Variants in HCN1 observed in about 807,000 individuals in gnomAD.
HCN1 encodes potassium/sodium hyperpolarization-activated cyclic nucleotide-gated channel 1.
A neutral mutation model predicts 78.9 loss-of-function variants in HCN1; 13 were observed. The ratio of observed to expected loss-of-function variants is 0.16; its 90% confidence interval spans 0.11 to 0.26. The LOEUF (loss-of-function observed/expected upper bound fraction) is 0.26. Ranked by LOEUF, HCN1 falls within the 10% of genes least tolerant of loss-of-function variation. The pLI, the probability that HCN1 is intolerant of heterozygous loss-of-function variation, is 1.00. For synonymous variants in HCN1, 552 were observed against 455.5 expected (o/e 1.21, Z -2.70); for missense variants, 810 against 1,154.3 (o/e 0.70, Z 4.32).
chr5:45,351,414 AT>A lies in HCN1; in HGVS notation c.1377+1685del, dbSNP rs1199158512. Among the ~76,000 whole-genome samples the A allele has an allele frequency of 4.3e-4, 50 of 115,586 alleles. 8 individuals carry two copies. Among genetic ancestry groups the A allele is most frequent in the Non-Finnish European group, 1.9e-4 (12 of 62,368 alleles). 75.8% of individuals were successfully genotyped at this position (115,586 alleles called of 152,430 possible). On this transcript the variant is annotated intron_variant, in intron 5 of 7. Transcript: ENST00000303230. ...AGATTTAAACGTTAGACCTAAAACC[AT>A]AAAAACCCTAGAAGAAAACCTAGAC... is the stretch of plus-strand genomic sequence containing the variant.
At chr5:45,334,982 A>C (rs1746424168) in intron 5 of HCN1, among the ~76,000 whole-genome samples, 1 of 152,038 alleles carries the variant, frequency 6.6e-6, no homozygotes. Context: ...GTTTTCTTGC[A>C]TAACTATCTA....
intron 3 of HCN1, among the ~76,000 whole-genome samples, chr5:45,458,199 T>A (rs1036141296): frequency 5.3e-5 from 8 of 151,888 alleles, no homozygotes; most frequent in Middle Eastern, 3.2e-3. Context: ...ATCTAGCTAG[T>A]GGGATACAGA....
At chr5:45,609,949 G>T (rs1258719097) in intron 2 of HCN1, among the ~76,000 whole-genome samples, 1 of 152,124 alleles carries the variant, frequency 6.6e-6, no homozygotes, top group Non-Finnish European at 1.5e-5. Context: ...CTTGGCATTA[G>T]ATGTCAGCAA....
At chr5:45,406,693 G>T (rs1739931615) in intron 3 of HCN1, among the ~76,000 whole-genome samples, 1 of 151,880 alleles carries the variant, frequency 6.6e-6, no homozygotes, top group South Asian at 2.1e-4. Flanking sequence ...GGATTTTCAG[G>T]CATTTTAAGA....
At chr5:45,455,289 C>T (rs1741007394) in intron 3 of HCN1, among the ~76,000 whole-genome samples, 1 of 152,042 alleles carries the variant, frequency 6.6e-6, no homozygotes, top group South Asian at 2.1e-4. Context: ...CATTTCAGAG[C>T]TCTCAATTCA....
At chr5:45,266,436 T>G (rs1310035760) in intron 7 of HCN1, among the ~76,000 whole-genome samples, 1 of 152,158 alleles carries the variant, frequency 6.6e-6, no homozygotes, top group Admixed American at 6.5e-5. Context: ...TGATAAAACT[T>G]AGTTTGTAAT....
At chr5:45,379,273 T>C (rs1177651533) in intron 4 of HCN1, among the ~76,000 whole-genome samples, 3 of 152,140 alleles carry the variant, frequency 2.0e-5, no homozygotes, top group Non-Finnish European at 2.9e-5. Flanking sequence ...CCACATCCTC[T>C]CTAGCACCTG....
chr5:45,640,106 C>T (rs1035815208), intron 2 of HCN1, among the ~76,000 whole-genome samples: 2 of 152,148 alleles, frequency 1.3e-5, no homozygotes, highest in Non-Finnish European at 2.9e-5. Context: ...GTTGCTCACT[C>T]CCTTATTTGT....
At chr5:45,272,327 T>C (rs1455679506) in intron 6 of HCN1, among the ~76,000 whole-genome samples, 1 of 152,110 alleles carries the variant, frequency 6.6e-6, no homozygotes, top group East Asian at 1.9e-4. Flanking sequence ...CTGTAGCTCA[T>C]ACTATCCTTT....
intron 3 of HCN1, among the ~76,000 whole-genome samples, chr5:45,423,595 C>A (rs1740272673): frequency 6.6e-6 from 1 of 152,080 alleles, no homozygotes. Flanking sequence ...CTTGAATATC[C>A]AGCTCGTATT....
At chr5:45,648,075 T>C (rs1745585379) in intron 1 of HCN1, among the ~76,000 whole-genome samples, 1 of 152,182 alleles carries the variant, frequency 6.6e-6, no homozygotes, top group South Asian at 2.1e-4. Context: ...AACGAGACGA[T>C]ATATGCTAAT....
chr5:45,499,827 C>T (rs1469095837), intron 2 of HCN1, among the ~76,000 whole-genome samples: 1 of 152,048 alleles, frequency 6.6e-6, no homozygotes, highest in East Asian at 1.9e-4. Context: ...TTGAAAAACC[C>T]AGGTATTTTA....
intron 1 of HCN1, among the ~76,000 whole-genome samples, chr5:45,695,438 G>C (rs1363341181): frequency 6.6e-6 from 1 of 152,174 alleles, no homozygotes; most frequent in Middle Eastern, 3.2e-3. Flanking sequence ...AGGCCAAGGA[G>C]GAGAGCCCGT....
chr5:45,495,876 T>A (rs1278684162), intron 2 of HCN1, among the ~76,000 whole-genome samples: 1 of 152,250 alleles, frequency 6.6e-6, no homozygotes, highest in African/African-American at 2.4e-5. Flanking sequence ...TTTTGGTCTT[T>A]GGTTCTGTTT....
At position 45,387,893 on chromosome 5, in the gene HCN1, T is replaced by A. The variant is rs116196805; in HGVS notation, c.1230+8599A>T. Among the ~76,000 whole-genome samples, 1,465 of 152,294 alleles carry A rather than the reference T, an allele frequency of 9.6e-3. 29 individuals are homozygous for A. The highest frequency in any genetic ancestry group is 0.034 in the African/African-American group (1,393 of 41,554). ...ACAGTAAGAGACGCACAATAACTAA[T>A]AATAAAATAGAACAATTATAACAAT... On this transcript the variant is annotated intron_variant, in intron 4 of 7. Transcript: ENST00000303230.
At chr5:45,357,180 T>C (rs1164116758) in intron 4 of HCN1, among the ~76,000 whole-genome samples, 1 of 152,088 alleles carries the variant, frequency 6.6e-6, no homozygotes, top group Non-Finnish European at 1.5e-5. Context: ...TTATTCATGT[T>C]GCTGGAAAAA....
chr5:45,349,065 T>C (rs958407667), intron 5 of HCN1, among the ~76,000 whole-genome samples: 32 of 152,154 alleles, frequency 2.1e-4, no homozygotes, highest in Admixed American at 3.9e-4. Flanking sequence ...ATCAATAGAA[T>C]ATACATTTTT....
chr5:45,394,451 C>A (rs2112038263), intron 4 of HCN1, among the ~76,000 whole-genome samples: 1 of 152,172 alleles, frequency 6.6e-6, no homozygotes, highest in Admixed American at 6.5e-5. Flanking sequence ...AAAGAAGCTG[C>A]ACATTACTCA....
chr5:45,664,931 C>A lies in HCN1; in HGVS notation c.426-19323G>T, dbSNP rs368348424. On this transcript the variant is annotated intron_variant, in intron 1 of 7. Coordinates refer to ENST00000303230, the MANE Select transcript of HCN1 (RefSeq NM_021072.4). ...CTAGAACTAGAAATACCATTTGACC[C>A]AGCTAACCCATTACTGGGTATATAC... Among the ~76,000 whole-genome samples, 46 of 151,988 alleles carry A rather than the reference C, an allele frequency of 3.0e-4. No individual in the cohort carries two copies. The South Asian group carries it at 9.1e-3, about 30-fold the overall frequency.
Sources: allele counts gnomAD v4.1 joint callset (sites outside exome capture counted in the v4.1 genomes callset), GRCh38; gene constraint gnomAD v4.1.1; transcripts MANE v1.5; gene names NCBI Gene and HGNC (gene_info 2026-07-23, HGNC 2026-07-21).